The following BICD1 variants were observed in gnomAD, a reference collection of about 807,000 sequenced individuals.
BICD1 encodes the protein protein bicaudal D homolog 1.
In BICD1, 35 loss-of-function variants were observed where a neutral mutation model predicts 92.5. The observed-to-expected ratio is 0.38, with a 90% CI of 0.29 to 0.50. The LOEUF (loss-of-function observed/expected upper bound fraction) is 0.50. Ranked by LOEUF, BICD1 falls within the 20% of genes least tolerant of loss-of-function variation. The probability of loss-of-function intolerance (pLI) is 0.93; values close to 1 mark genes in which losing one functional copy is unlikely to be tolerated. For synonymous variants in BICD1, 429 were observed against 465.1 expected (o/e 0.92, Z 1.00); for missense variants, 950 against 1,189.8 (o/e 0.80, Z 2.97).
At chr12:32,135,913 C>G (rs1220126523) in intron 1 of BICD1, among the ~76,000 whole-genome samples, 2 of 124,828 alleles carry the variant, frequency 1.6e-5, no homozygotes, top group Admixed American at 7.7e-5. Context: ...AAAGGAGAGG[C>G]GTGTGGAGGA....
At position 32,202,869 on chromosome 12, in the gene BICD1, C is replaced by G. The variant is rs553759931; in HGVS notation, c.214-13378C>G. Among the ~76,000 whole-genome samples, 321 of 152,316 alleles carry G rather than the reference C, an allele frequency of 2.1e-3. 2 individuals are homozygous for G. The highest frequency in any genetic ancestry group is 7.1e-3 in the African/African-American group (297 of 41,578). On this transcript the variant is annotated intron_variant, in intron 1 of 9. Transcript: ENST00000652176. ...CAAGAGATCTGCCCGCCTCAGCCTC[C>G]CCAAATGCTGGGATTATAGGCGTGA...
intron 2 of BICD1, among the ~76,000 whole-genome samples, chr12:32,270,246 G>C (rs932715179): frequency 6.6e-6 from 1 of 151,562 alleles, no homozygotes; most frequent in East Asian, 1.9e-4. Flanking sequence ...AATATAATAA[G>C]ATGTATCTCC....
chr12:32,348,612 G>A (rs938249875), intron 8 of BICD1, among the ~76,000 whole-genome samples: 2 of 151,510 alleles, frequency 1.3e-5, no homozygotes, highest in African/African-American at 4.8e-5. Context: ...GAGTAACAGG[G>A]AGGAACAGGT....
chr12:32,149,470 A>G (rs149814926), intron 1 of BICD1, among the ~76,000 whole-genome samples: 87 of 152,364 alleles, frequency 5.7e-4, no homozygotes, highest in African/African-American at 2.0e-3. Context: ...AGAAATGTAT[A>G]TTGCTTCATG....
In BICD1 at chr12:32,336,498, G is replaced by A. The variant is rs536293109; in HGVS notation, c.2253-1001G>A. 1.7e-3 allele frequency among the ~76,000 whole-genome samples: 262 copies of A among 152,210 alleles called. 3 individuals are homozygous for A. Among genetic ancestry groups the A allele is most frequent in the African/African-American group, 6.0e-3 (250 of 41,538 alleles). On this transcript the variant is annotated intron_variant, in intron 6 of 9. Transcript: ENST00000652176. ...TCTGTCATCTGGTTGAGAAATCATT[G>A]AAAATACTCAGTTTTCTAATTCAGG...
intron 2 of BICD1, among the ~76,000 whole-genome samples, chr12:32,218,930 A>G (rs958152241): frequency 1.3e-5 from 2 of 152,184 alleles, no homozygotes; most frequent in African/African-American, 4.8e-5. Context: ...TAAAAGGAGA[A>G]TAGGAATAAA....
At chr12:32,375,357 C>T (rs1939912429) in intron 9 of BICD1, among the ~76,000 whole-genome samples, 2 of 151,986 alleles carry the variant, frequency 1.3e-5, no homozygotes, top group Non-Finnish European at 1.5e-5. Flanking sequence ...GGTGAAAGTC[C>T]GTCTCTACTA....
chr12:32,126,048 CAA>C (rs61406736), intron 1 of BICD1, among the ~76,000 whole-genome samples: 14 of 51,394 alleles, frequency 2.7e-4, no homozygotes, highest in Admixed American at 3.8e-4. Flanking sequence ...GACTCCATCT[CAA>C]AAAAAAAAAA....
At chr12:32,359,877 G>T (rs558649745) in intron 8 of BICD1, among the ~76,000 whole-genome samples, 1 of 152,162 alleles carries the variant, frequency 6.6e-6, no homozygotes, top group South Asian at 2.1e-4. Flanking sequence ...CATTTCTCCT[G>T]CCTATTTTTA....
At chr12:32,348,726 ATATATATATATATATATAT>A (rs1938737540) in intron 8 of BICD1, among the ~76,000 whole-genome samples, 5 of 3,782 alleles carry the variant, frequency 1.3e-3, no homozygotes, top group Non-Finnish European at 1.7e-3. Flanking sequence ...ACACAAAAAT[ATATATATATATATATATAT>A]ATATATATAT....
chr12:32,156,580 C>T (rs1943444220), intron 1 of BICD1, among the ~76,000 whole-genome samples: 1 of 152,192 alleles, frequency 6.6e-6, no homozygotes, highest in Non-Finnish European at 1.5e-5. Flanking sequence ...TGGGAGCAAC[C>T]TAGATCATTT....
intron 2 of BICD1, among the ~76,000 whole-genome samples, chr12:32,232,358 ATG>A (rs2121581841): frequency 6.6e-6 from 1 of 151,776 alleles, no homozygotes; most frequent in East Asian, 1.9e-4. Context: ...GCATTTTTTC[ATG>A]TGTTTTTTGG....
At chr12:32,276,581 C>G (rs976871524) in intron 2 of BICD1, among the ~76,000 whole-genome samples, 1 of 152,098 alleles carries the variant, frequency 6.6e-6, no homozygotes, top group Non-Finnish European at 1.5e-5. Context: ...CCCAGGCATT[C>G]GAGCTGGCAA....
At chr12:32,298,870 C>CA (rs59280755) in intron 3 of BICD1, among the ~76,000 whole-genome samples, 1,327 of 55,666 alleles carry the variant, frequency 0.024, 8 homozygotes, top group African/African-American at 0.029. Flanking sequence ...AACTCCATCT[C>CA]AAAAAAAAAA....
intron 3 of BICD1, among the ~76,000 whole-genome samples, chr12:32,298,403 T>C (rs1947935284): frequency 6.7e-6 from 1 of 149,078 alleles, no homozygotes; most frequent in African/African-American, 2.5e-5. Flanking sequence ...CTACTAAAAA[T>C]ATAAAAAAGA....
chr12:32,254,983 C>T (rs1946677336), intron 2 of BICD1, among the ~76,000 whole-genome samples: 1 of 152,070 alleles, frequency 6.6e-6, no homozygotes, highest in Non-Finnish European at 1.5e-5. Context: ...TCTGCTTGGG[C>T]TGCCATAACA....
At position 32,377,750 on chromosome 12, in the gene BICD1, C is replaced by T. The variant is rs202176421; in HGVS notation, c.*123C>T. The T allele has an allele frequency of 3.5e-5, 29 of 839,672 alleles. No homozygotes were observed. Among genetic ancestry groups the T allele is most frequent in the African/African-American group, 1.4e-4 (8 of 58,904 alleles). The allele number at this position is 839,672 out of a possible 1,614,324, so 52.0% of individuals were successfully genotyped here. A position where few individuals can be genotyped will look rare whatever the true frequency, so the allele number is the denominator to read the frequency against. ...GATGTACAATTGGATTAATGTCCAT[C>T]GTTTTGGAAGACGAGAGAAAGTTGA... is the stretch of plus-strand genomic sequence containing the variant. On this transcript the variant is annotated 3_prime_UTR_variant, in exon 10 of 10. Coordinates refer to ENST00000652176, the MANE Select transcript of BICD1 (RefSeq NM_001714.4).
At chr12:32,330,318 G>A (rs553345483) in intron 5 of BICD1, among the ~76,000 whole-genome samples, 25 of 150,698 alleles carry the variant, frequency 1.7e-4, no homozygotes, top group Admixed American at 8.0e-4. Flanking sequence ...GCAAACTATC[G>A]CAAGGACAAA....
intron 4 of BICD1, among the ~76,000 whole-genome samples, chr12:32,326,869 C>T (rs261893): frequency 0.82 from 125,289 of 152,234 alleles, 51,734 homozygotes; most frequent in East Asian, 0.87. Flanking sequence ...GGTGACAGAG[C>T]GAGACCCTGT....
Sources: allele counts gnomAD v4.1 joint callset (sites outside exome capture counted in the v4.1 genomes callset), GRCh38; gene constraint gnomAD v4.1.1; transcripts MANE v1.5; gene names NCBI Gene and HGNC (gene_info 2026-07-23, HGNC 2026-07-21).